The following GBF1 variants were observed in gnomAD, a reference collection of about 807,000 sequenced individuals.
GBF1 encodes the protein Golgi-specific brefeldin A-resistance guanine nucleotide exchange factor 1.
GBF1 carries 114 observed loss-of-function variants against 210.5 expected under a neutral mutation model. The observed-to-expected ratio is 0.54, with a 90% CI of 0.47 to 0.63. GBF1 has a LOEUF of 0.63. Among genes scored for constraint, GBF1 ranks in the 30% least tolerant of loss-of-function variants. The probability of loss-of-function intolerance (pLI) is 0.00; values close to 1 mark genes in which losing one functional copy is unlikely to be tolerated. For synonymous variants in GBF1, 850 were observed against 889.2 expected, an observed-to-expected ratio of 0.96 and a Z score of 0.78; for missense variants, 1,851 against 2,357.7, an observed-to-expected ratio of 0.79 and a Z score of 4.45.
chr10:102,316,355 G>A lies in GBF1; in HGVS notation c.164-27696G>A, dbSNP rs151201233. Among the ~76,000 whole-genome samples the A allele has an allele frequency of 4.5e-4, 69 of 152,206 alleles. 1 individual carries two copies. The highest frequency in any genetic ancestry group is 1.6e-3 in the African/African-American group (67 of 41,514). ...GCCCGCCTTAGCCTCCCAAAGCGCT[G>A]GGATTTACAGGCATGAGCCACCACG... On this transcript the variant is annotated intron_variant, in intron 3 of 39. Coordinates refer to ENST00000369983, the MANE Select transcript of GBF1 (RefSeq NM_001377137.1).
the GBF1 span, among the ~76,000 whole-genome samples, chr10:102,233,355 G>T: frequency 1.4e-5 from 2 of 143,130 alleles, no homozygotes; most frequent in Non-Finnish European, 3.0e-5. Context: ...CCAGGCTGGA[G>T]TGCAGTGGTA....
intron 3 of GBF1, among the ~76,000 whole-genome samples, chr10:102,288,163 T>C (rs2076118037): frequency 6.6e-6 from 1 of 152,214 alleles, no homozygotes; most frequent in Admixed American, 6.5e-5. Flanking sequence ...GGGACATCCA[T>C]GGCAGCTGGT....
At chr10:102,377,662 A>G (rs2060588192) in intron 33 of GBF1, among the ~76,000 whole-genome samples, 1 of 152,078 alleles carries the variant, frequency 6.6e-6, no homozygotes, top group South Asian at 2.1e-4. Flanking sequence ...CTTTAAATTT[A>G]TTTTTAAACT....
chr10:102,338,776 G>A (rs1410106066), intron 3 of GBF1, among the ~76,000 whole-genome samples: 1 of 151,624 alleles, frequency 6.6e-6, no homozygotes, highest in African/African-American at 2.4e-5. Context: ...GAGATACCCC[G>A]TCTCTACTAA....
chr10:102,246,335 T>C (rs1252220032), intron 1 of GBF1, among the ~76,000 whole-genome samples: 1 of 152,212 alleles, frequency 6.6e-6, no homozygotes, highest in Non-Finnish European at 1.5e-5. Flanking sequence ...GGAACTGGGC[T>C]ATGAGAAGGC....
At chr10:102,351,201 C>A in intron 4 of GBF1, 55 bp from the exon 5 acceptor site, 1 of 1,000,248 alleles carries the variant, frequency 1.0e-6, no homozygotes. Flanking sequence ...GGCTGCCTTA[C>A]CTTTTATCTC....
chr10:102,231,194 T>A, the GBF1 span: 1 of 1,249,196 alleles, frequency 8.0e-7, no homozygotes, highest in South Asian at 1.6e-5. Context: ...GCCGGGGCCC[T>A]GCGGTCAATA....
chr10:102,261,202 T>C (rs1385079498), intron 3 of GBF1, among the ~76,000 whole-genome samples: 1 of 152,020 alleles, frequency 6.6e-6, no homozygotes, highest in Non-Finnish European at 1.5e-5. Context: ...TACATGTGAT[T>C]AGAAGAGAAT....
In GBF1 at chr10:102,363,233, C is replaced by G; in HGVS notation, c.1877-23C>G. 13 of 1,600,028 alleles carry G rather than the reference C, an allele frequency of 8.1e-6. No homozygotes were observed. Among genetic ancestry groups the G allele is most frequent in the Non-Finnish European group, 1.1e-5 (13 of 1,173,034 alleles). On this transcript the variant is annotated intron_variant, in intron 15 of 39. Coordinates refer to ENST00000369983, the MANE Select transcript of GBF1 (RefSeq NM_001377137.1). The surrounding 1 kb of genome is among the most constrained non-coding windows in gnomAD (Gnocchi z 4.2). ...TGGCTTCATACCCTATAAGTCTTCA[C>G]GTATCTTCTTCTCTCTTACCAGCTG...
In GBF1 at chr10:102,317,902, T is replaced by A. The variant is rs1054899298; in HGVS notation, c.164-26149T>A. Among the ~76,000 whole-genome samples, 11 of 67,266 alleles carry A rather than the reference T, an allele frequency of 1.6e-4. No homozygotes were observed. The South Asian group carries it at 5.9e-3, about 36-fold the overall frequency. The allele number at this position is 67,266 out of a possible 152,430, so 44.1% of individuals were successfully genotyped here. On this transcript the variant is annotated intron_variant, in intron 3 of 39. Coordinates refer to ENST00000369983, the MANE Select transcript of GBF1 (RefSeq NM_001377137.1). ...TGTTGTTGGTTATTTATTTATTTAT[T>A]TTTATTTATTTATTTATTTATTTTG...
chr10:102,238,613 G>A, the GBF1 span, among the ~76,000 whole-genome samples: 3 of 152,238 alleles, frequency 2.0e-5, no homozygotes, highest in East Asian at 5.8e-4. Context: ...CTGCAGCTTG[G>A]GCATAATAAT....
At position 102,382,628 on chromosome 10, in the gene GBF1, T is replaced by C. The variant is rs1177133532; in HGVS notation, c.*292T>C. On this transcript the variant is annotated 3_prime_UTR_variant, in exon 40 of 40. Transcript: ENST00000369983. Reference sequence around the variant, plus strand: ...CGGCAGCTCTGGGGAGGCATCCGTGTGCCGGCCCTGCAGTGCCTGCCCACG... The same window carrying C: ...CGGCAGCTCTGGGGAGGCATCCGTGCGCCGGCCCTGCAGTGCCTGCCCACG... The C allele has an allele frequency of 2.7e-6, 1 of 376,418 alleles. No individual in the cohort carries two copies. Among genetic ancestry groups the C allele is most frequent in the East Asian group, 4.3e-5 (1 of 23,094 alleles). The allele number at this position is 376,418 out of a possible 1,614,324, so 23.3% of individuals were successfully genotyped here. A position where few individuals can be genotyped will look rare whatever the true frequency, so the allele number is the denominator to read the frequency against.
At chr10:102,325,402 T>G (rs940916635) in intron 3 of GBF1, among the ~76,000 whole-genome samples, 1 of 151,798 alleles carries the variant, frequency 6.6e-6, no homozygotes, top group African/African-American at 2.4e-5. Context: ...ATGCAAAAAT[T>G]AGCTAGGCGT....
At chr10:102,320,610 G>T (rs2056304443) in intron 3 of GBF1, among the ~76,000 whole-genome samples, 2 of 151,842 alleles carry the variant, frequency 1.3e-5, no homozygotes, top group African/African-American at 4.8e-5. Flanking sequence ...AAAGCAACTT[G>T]CTCTTCAGCC....
intron 3 of GBF1, among the ~76,000 whole-genome samples, chr10:102,261,513 A>G (rs2073211468): frequency 6.6e-6 from 1 of 152,128 alleles, no homozygotes; most frequent in East Asian, 1.9e-4. Flanking sequence ...TCTTCTTTTC[A>G]TTAGAAATAT....
At chr10:102,371,015 T>TA (rs973391300) in intron 29 of GBF1, among the ~76,000 whole-genome samples, 155 bp downstream of exon 29, 8 of 152,250 alleles carry the variant, frequency 5.3e-5, no homozygotes, top group African/African-American at 1.9e-4. Flanking sequence ...TAGCGGGTGG[T>TA]ACTGGGAGTG....
chr10:102,369,955 G>C lies in GBF1; in HGVS notation c.3310G>C (p.Ala1104Pro). ...GGGCCCATCCACTGAAAACCAAGAG[G>C]CCAAGAGAGTGGCCTTAGAGTGTAT... ...VRGPSTENQE[A>P]KRVALECIKQ... The change falls in exon 26 of 40, where the codon GCC becomes CCC. Residue 1104 changes from alanine (A) to proline (P), a missense_variant. Physicochemically the swap from Ala to Pro is conservative, Grantham distance 27. Around this residue, in one of 3 missense-constraint regions of GBF1, gnomAD observed 967 missense variants for 1,247.7 expected, o/e 0.78. Transcript: ENST00000369983. 6.2e-7 allele frequency: 1 copy of C among 1,614,154 alleles called. No individual in the cohort carries two copies.
rs899139052 is a variant in GBF1 at position 102,382,492 on chromosome 10, C to T, written c.*156C>T. On this transcript the variant is annotated 3_prime_UTR_variant, in exon 40 of 40. Transcript: ENST00000369983. ...CTGAAAAAGAGAATGTTGATAGCCC[C>T]AGCTAAGACCCCCAATCAGCTGTGG... 36 of 621,690 alleles carry T rather than the reference C, an allele frequency of 5.8e-5. No individual in the cohort carries two copies. In the African/African-American group the frequency reaches 6.5e-4, roughly 11 times the overall value. The allele number at this position is 621,690 out of a possible 1,614,324, so 38.5% of individuals were successfully genotyped here.
chr10:102,326,071 A>G (rs1349357206), intron 3 of GBF1, among the ~76,000 whole-genome samples: 2 of 152,230 alleles, frequency 1.3e-5, no homozygotes, highest in African/African-American at 4.8e-5. Context: ...GCAAGGCCTC[A>G]TAACGGAGTA....
Sources: gnomAD v4.1 joint callset for allele counts (sites outside exome capture counted in the v4.1 genomes callset) on GRCh38, gnomAD v4.1.1 for gene constraint, gnomAD v4.1.1 regional missense constraint, Gnocchi (gnomAD v3.1) non-coding constraint, MANE v1.5 for transcripts, NCBI Gene and HGNC (gene_info 2026-07-23, HGNC 2026-07-21) for gene names.